Variants in ZZZ3 observed in about 807,000 individuals in gnomAD.
ZZZ3 encodes the protein zinc finger ZZ-type containing 3, also known as ZZ-type zinc finger-containing protein 3.
A neutral mutation model predicts 95.2 loss-of-function variants in ZZZ3; 22 were observed. That is an observed-to-expected ratio of 0.23 (90% CI 0.17 to 0.33). The LOEUF is 0.33. Among genes scored for constraint, ZZZ3 ranks in the 10% least tolerant of loss-of-function variants. ZZZ3 has a pLI of 1.00. For missense variants in ZZZ3, 885 were observed against 1,066.5 expected, an observed-to-expected ratio of 0.83 and a Z score of 2.37; for synonymous variants, 335 against 358.9, an observed-to-expected ratio of 0.93 and a Z score of 0.75.
intron 5 of ZZZ3, among the ~76,000 whole-genome samples, chr1:77,628,279 G>A (rs1667497610): frequency 6.6e-6 from 1 of 152,166 alleles, no homozygotes; most frequent in Non-Finnish European, 1.5e-5. Context: ...AGAGCCTTCA[G>A]ATAAAGAATA....
Position 77,632,013 on chromosome 1 carries a change from C to T in ZZZ3, c.1342G>A (p.Gly448Arg). The T allele has an allele frequency of 6.2e-7, 1 of 1,614,076 alleles. No homozygotes were observed. Among genetic ancestry groups the T allele is most frequent in the Non-Finnish European group, 8.5e-7 (1 of 1,179,986 alleles). The change falls in exon 5 of 15, where the codon GGA (glycine) becomes AGA (arginine). Residue 448 changes from glycine (G) to arginine (R), a missense_variant. Coordinates refer to ENST00000370801, the MANE Select transcript of ZZZ3 (RefSeq NM_015534.6). ...GGTGGTTTACTTACTCCTTCACTTC[C>T]ATTATTTTGAGAGTCACAACATATC... is the stretch of plus-strand genomic sequence containing the variant. Reference protein sequence around the residue: ...KGICCDSQNNGSEGVSKPPSE... With the variant: ...KGICCDSQNNRSEGVSKPPSE...
chr1:77,633,744 C>G (rs1170685172), intron 4 of ZZZ3, among the ~76,000 whole-genome samples: 1 of 152,166 alleles, frequency 6.6e-6, no homozygotes, highest in African/African-American at 2.4e-5. Context: ...ATATTCTATC[C>G]AAGGTCACAA....
At chr1:77,611,281 T>G (rs1210246947) in intron 5 of ZZZ3, among the ~76,000 whole-genome samples, 1 of 141,370 alleles carries the variant, frequency 7.1e-6, no homozygotes, top group Non-Finnish European at 1.5e-5. Context: ...ACAAAAACTC[T>G]TAGGAATAAC....
intron 5 of ZZZ3, among the ~76,000 whole-genome samples, chr1:77,597,003 A>C (rs999112640): frequency 2.0e-5 from 3 of 152,148 alleles, no homozygotes; most frequent in African/African-American, 7.2e-5. Context: ...TTTGGCACCC[A>C]AATTTTGGTT....
rs1049980612 is a variant in ZZZ3, at chr1:77,564,422, A to T, written c.*1218T>A. The stretch of plus-strand genomic sequence containing the variant: ...TTAAATATGTGAAGCAAACCATTTT[A>T]AAAAATACCAATTTCTGGTTTTAAC... On this transcript the variant is annotated 3_prime_UTR_variant, in exon 15 of 15. Coordinates refer to ENST00000370801, the MANE Select transcript of ZZZ3 (RefSeq NM_015534.6). 5 of 152,432 alleles carry T rather than the reference A, an allele frequency of 3.3e-5. No individual in the cohort carries two copies. The highest frequency in any genetic ancestry group is 6.5e-5 in the Admixed American group (1 of 15,276). 9.4% of individuals were successfully genotyped at this position (152,432 alleles called of 1,614,324 possible).
At chr1:77,595,025 T>C (rs556507829) in intron 5 of ZZZ3, among the ~76,000 whole-genome samples, 1 of 151,900 alleles carries the variant, frequency 6.6e-6, no homozygotes, top group South Asian at 2.1e-4. Context: ...ATTTGTAATA[T>C]TATCTTGAAC....
At position 77,633,105 on chromosome 1, in the gene ZZZ3, T is replaced by G. The variant is rs375066082; in HGVS notation, c.250A>C (p.Arg84=). 6.2e-7 allele frequency: 1 copy of G among 1,614,006 alleles called. No individual in the cohort carries two copies. Among genetic ancestry groups the G allele is most frequent in the Non-Finnish European group, 8.5e-7 (1 of 1,180,010 alleles). Residue 84 remains arginine (R), a synonymous_variant, in exon 5 of 15, where the codon AGG becomes CGG. Transcript: ENST00000370801. ...TCTGAAGAAGAAAGTCCTCTTTTCCTAGGGCTTACCCATGATTCTCGGGTA... is the reference window on the plus strand; with the variant it reads ...TCTGAAGAAGAAAGTCCTCTTTTCCGAGGGCTTACCCATGATTCTCGGGTA... The part of the protein sequence containing the change: ...QSTRESWVSP[R]KRGLSSSEKD...
At chr1:77,568,296 AAAATG>A (rs145860524) in intron 13 of ZZZ3, 31 bp downstream of exon 13, 1,047,619 of 1,505,028 alleles carry the variant, frequency 0.7, 373,793 homozygotes, top group Admixed American at 0.77. Context: ...ATAAATAAAT[AAAATG>A]AAATGAATCC....
chr1:77,642,982 C>T (rs1668920765), intron 1 of ZZZ3, among the ~76,000 whole-genome samples: 1 of 151,952 alleles, frequency 6.6e-6, no homozygotes, highest in Non-Finnish European at 1.5e-5. Context: ...GATGCCAAGG[C>T]AGAAGGATCG....
intron 1 of ZZZ3, among the ~76,000 whole-genome samples, chr1:77,671,415 A>G (rs550550021): frequency 1.3e-5 from 2 of 152,346 alleles, no homozygotes; most frequent in South Asian, 4.1e-4. Context: ...ATTCATTAGA[A>G]TATAATCTAT....
chr1:77,566,715 C>A (rs1475639717), intron 13 of ZZZ3, among the ~76,000 whole-genome samples: 1 of 152,200 alleles, frequency 6.6e-6, no homozygotes, highest in African/African-American at 2.4e-5. Flanking sequence ...AAACTTTTAT[C>A]TCTTATTGAA....
intron 1 of ZZZ3, among the ~76,000 whole-genome samples, chr1:77,656,831 G>A (rs1205691657): frequency 6.6e-6 from 1 of 152,148 alleles, no homozygotes; most frequent in East Asian, 1.9e-4. Context: ...TTCTCATAAA[G>A]TTGCCATGAG....
intron 1 of ZZZ3, among the ~76,000 whole-genome samples, chr1:77,671,321 A>G (rs913907528): frequency 3.3e-5 from 5 of 152,214 alleles, no homozygotes; most frequent in African/African-American, 1.2e-4. Context: ...TTCAAACCAC[A>G]GCTATTTCCA....
At chr1:77,671,406 T>C (rs1671773907) in intron 1 of ZZZ3, among the ~76,000 whole-genome samples, 1 of 152,136 alleles carries the variant, frequency 6.6e-6, no homozygotes, top group East Asian at 1.9e-4. Flanking sequence ...ACCAAAAAAA[T>C]TCATTAGAAT....
At chr1:77,664,384 T>A (rs999663477) in intron 1 of ZZZ3, among the ~76,000 whole-genome samples, 2 of 152,204 alleles carry the variant, frequency 1.3e-5, no homozygotes, top group Non-Finnish European at 2.9e-5. Flanking sequence ...AACTACTCTC[T>A]CCTTTGCTCC....
intron 5 of ZZZ3, among the ~76,000 whole-genome samples, chr1:77,590,688 TG>T (rs1342142179): frequency 6.6e-6 from 1 of 152,222 alleles, no homozygotes; most frequent in African/African-American, 2.4e-5. Flanking sequence ...TGCAGATAAA[TG>T]GAAAAATTTA....
At chr1:77,608,872 C>T (rs1422495515) in intron 5 of ZZZ3, among the ~76,000 whole-genome samples, 1 of 151,690 alleles carries the variant, frequency 6.6e-6, no homozygotes, top group Admixed American at 6.6e-5. Flanking sequence ...GGTAACCTTA[C>T]CTCAAATGAA....
chr1:77,653,929 C>G (rs558859807), intron 1 of ZZZ3, among the ~76,000 whole-genome samples: 1 of 152,244 alleles, frequency 6.6e-6, no homozygotes, highest in Non-Finnish European at 1.5e-5. Flanking sequence ...TGGCTCACGC[C>G]TGTAATCCCA....
intron 5 of ZZZ3, among the ~76,000 whole-genome samples, chr1:77,618,591 C>T (rs1264236930): frequency 1.3e-5 from 2 of 152,080 alleles, no homozygotes; most frequent in Non-Finnish European, 2.9e-5. Flanking sequence ...AGGTCTGCCT[C>T]GAATTTGTTT....
Sources: allele counts gnomAD v4.1 joint callset (sites outside exome capture counted in the v4.1 genomes callset), GRCh38; gene constraint gnomAD v4.1.1; transcripts MANE v1.5; gene names NCBI Gene and HGNC (gene_info 2026-07-23, HGNC 2026-07-21).